RLN3: variants seen among roughly 807,000 people sequenced by gnomAD.
RLN3 encodes the protein relaxin-3.
In RLN3, 13 loss-of-function variants were observed where a neutral mutation model predicts 10.2. The ratio of observed to expected loss-of-function variants is 1.28; its 90% confidence interval spans 0.83 to 2.03. The LOEUF is 2.03. RLN3 is among the 30% of genes most tolerant of loss of function. The pLI, the probability that RLN3 is intolerant of heterozygous loss-of-function variation, is 0.00. For synonymous variants in RLN3, 56 were observed against 79.2 expected (o/e 0.71, Z 1.56); for missense variants, 191 against 187.2 (o/e 1.02, Z -0.12).
intron 1 of RLN3, among the ~76,000 whole-genome samples, chr19:14,028,736 G>A (rs1975753643): frequency 6.6e-6 from 1 of 152,110 alleles, no homozygotes; most frequent in Non-Finnish European, 1.5e-5. Flanking sequence ...GTCACCTAAT[G>A]CATGACCTCT....
chr19:14,030,962 C>T lies in RLN3; in HGVS notation c.*14C>T, dbSNP rs1262760008. The T allele has an allele frequency of 6.6e-7, 1 of 1,518,456 alleles. No individual in the cohort carries two copies. The highest frequency in any genetic ancestry group is 1.3e-5 in the South Asian group (1 of 78,596). The allele number at this position is 1,518,456 out of a possible 1,614,324, so 94.1% of individuals were successfully genotyped here. On this transcript the variant is annotated 3_prime_UTR_variant, in exon 2 of 2. Coordinates refer to ENST00000431365, the MANE Select transcript of RLN3 (RefSeq NM_080864.4). ...AGCCTTTGCTAGTTTGAGGGCTGGGCAGCCGTGGGCACCAGGACCAATGCC... is the reference window on the plus strand; with the variant it reads ...AGCCTTTGCTAGTTTGAGGGCTGGGTAGCCGTGGGCACCAGGACCAATGCC...
chr19:14,028,839 A>G (rs1903151579), intron 1 of RLN3, among the ~76,000 whole-genome samples: 1 of 152,038 alleles, frequency 6.6e-6, no homozygotes. Context: ...CAGTGGCCCA[A>G]TCACTGCTCA....
Position 14,030,847 on chromosome 19 carries a change from A to G in RLN3, c.328A>G (p.Thr110Ala). Reference protein sequence around the residue: ...FYRGRPSWQGTPGVLRGSRDV... With the variant: ...FYRGRPSWQGAPGVLRGSRDV... The stretch of plus-strand genomic sequence containing the variant: ...CAGGGGGCGACCCAGCTGGCAAGGA[A>G]CCCCTGGGGTTCTTCGGGGCAGCCG... The change falls in exon 2 of 2, where the codon ACC becomes GCC. Residue 110 changes from threonine (T) to alanine (A), a missense_variant. By Grantham distance (58) the Thr-to-Ala change is moderately conservative (BLOSUM62 0). Coordinates refer to ENST00000431365, the MANE Select transcript of RLN3 (RefSeq NM_080864.4). The G allele has an allele frequency of 6.2e-7, 1 of 1,613,068 alleles. No homozygotes were observed. The highest frequency in any genetic ancestry group is 8.5e-7 in the Non-Finnish European group (1 of 1,179,314).
chr19:14,028,323 TC>T lies in RLN3; in HGVS notation c.121del (p.Arg41GlufsTer53). 6.2e-7 allele frequency: 1 copy of T among 1,613,732 alleles called. No homozygotes were observed. The highest frequency in any genetic ancestry group is 8.5e-7 in the Non-Finnish European group (1 of 1,179,910). ...GTCAGGCTTTGCGGCCGAGAATTCA[TC>T]CGAGCAGTCATCTTCACCTGCGGGG... ...YGVRLCGREF[I>X]RAVIFTCGGS... On this transcript the variant is annotated frameshift_variant, in exon 1 of 2. Coordinates refer to ENST00000431365, the MANE Select transcript of RLN3 (RefSeq NM_080864.4). LOFTEE classifies it high-confidence loss of function.
chr19:14,028,397 G>A lies in RLN3; in HGVS notation c.190+3G>A. The A allele has an allele frequency of 1.2e-6, 2 of 1,605,788 alleles. No individual in the cohort carries two copies. The highest frequency in any genetic ancestry group is 8.5e-7 in the Non-Finnish European group (1 of 1,175,946). On this transcript the variant is annotated splice_donor_region_variant and intron_variant, in intron 1 of 1. Transcript: ENST00000431365. ...CATCCTGGCCCACGAGGCTATGGGTGAGGCTGGGGAGAGAGTGGATGTAGA... is the reference window on the plus strand; with the variant it reads ...CATCCTGGCCCACGAGGCTATGGGTAAGGCTGGGGAGAGAGTGGATGTAGA...
intron 1 of RLN3, among the ~76,000 whole-genome samples, chr19:14,029,531 T>G (rs1450484708): frequency 6.6e-6 from 1 of 151,636 alleles, no homozygotes; most frequent in East Asian, 1.9e-4. Flanking sequence ...CTTTTTATTT[T>G]TAGTAGAGAC....
intron 1 of RLN3, chr19:14,030,208 G>T: frequency 1.5e-6 from 1 of 689,582 alleles, no homozygotes; most frequent in South Asian, 1.5e-5. Context: ...TATAAAACTT[G>T]AGAAGGTTGG....
Position 14,028,373 on chromosome 19 carries a change from A to G in RLN3, c.169A>G (p.Ile57Val). The change falls in exon 1 of 2, where the codon ATC becomes GTC. Residue 57 changes from isoleucine to valine, a missense_variant. By Grantham distance (29) the Ile-to-Val change is conservative. Transcript: ENST00000431365. ...CGGSRWRRSD[I>V]LAHEAMGDTF... ...GGGCTCCCGGTGGAGACGATCAGACATCCTGGCCCACGAGGCTATGGGTGA... is the reference window on the plus strand; with the variant it reads ...GGGCTCCCGGTGGAGACGATCAGACGTCCTGGCCCACGAGGCTATGGGTGA... The G allele has an allele frequency of 6.2e-7, 1 of 1,612,088 alleles. No individual in the cohort carries two copies. Among genetic ancestry groups the G allele is most frequent in the Non-Finnish European group, 8.5e-7 (1 of 1,179,102 alleles).
chr19:14,028,534 C>A, intron 1 of RLN3, 140 bp downstream of exon 1: 1 of 711,180 alleles, frequency 1.4e-6, no homozygotes, highest in Non-Finnish European at 2.3e-6. Flanking sequence ...ACCTGCCCAG[C>A]CTTGAAACAA....
At position 14,031,290 on chromosome 19, in the gene RLN3, C is replaced by G. The variant is rs1249914224; in HGVS notation, c.*342C>G. ...CAACTGGGTCCCTACTCTACCTAGGCTGGCCACACAGAGACCCCTGCCCCC... is the reference window on the plus strand; with the variant it reads ...CAACTGGGTCCCTACTCTACCTAGGGTGGCCACACAGAGACCCCTGCCCCC... On this transcript the variant is annotated 3_prime_UTR_variant, in exon 2 of 2. Coordinates refer to ENST00000431365, the MANE Select transcript of RLN3 (RefSeq NM_080864.4). 1 of 275,708 alleles carries G rather than the reference C, an allele frequency of 3.6e-6. No homozygotes were observed. The highest frequency in any genetic ancestry group is 4.9e-5 in the Admixed American group (1 of 20,588). 17.1% of individuals were successfully genotyped at this position (275,708 alleles called of 1,614,324 possible). A position where few individuals can be genotyped will look rare whatever the true frequency, so the allele number is the denominator to read the frequency against.
chr19:14,030,220 GTAAT>G, intron 1 of RLN3: 1 of 700,118 alleles, frequency 1.4e-6, no homozygotes, highest in Non-Finnish European at 2.6e-6. Flanking sequence ...GAAGGTTGGA[GTAAT>G]TATTTTTTTC....
intron 1 of RLN3, 54 bp downstream of exon 1, chr19:14,028,448 C>A: frequency 6.6e-7 from 1 of 1,509,772 alleles, no homozygotes; most frequent in Non-Finnish European, 9.1e-7. Context: ...TGGATGGGTC[C>A]CAGGAGCTAA....
At position 14,030,910 on chromosome 19, in the gene RLN3, TGGG is replaced by T; in HGVS notation, c.394_396del (p.Gly132del). 2 of 1,591,552 alleles carry T rather than the reference TGGG, an allele frequency of 1.3e-6. No homozygotes were observed. The highest frequency in any genetic ancestry group is 1.7e-6 in the Non-Finnish European group (2 of 1,166,850). On this transcript the variant is annotated inframe_deletion, in exon 2 of 2. Coordinates refer to ENST00000431365, the MANE Select transcript of RLN3 (RefSeq NM_080864.4). ...TGGCCTTTCCAGCAGCTGCTGCAAG[TGGG>T]GGTGTAGCAAAAGTGAAATCAGTAG...
intron 1 of RLN3, chr19:14,030,364 G>C (rs754701240): frequency 1.4e-6 from 1 of 691,814 alleles, no homozygotes. Context: ...AGAGTAAGGA[G>C]AAATAAATGA....
intron 1 of RLN3, among the ~76,000 whole-genome samples, chr19:14,029,806 A>AATTATTATTACTATT (rs1975769531): frequency 7.0e-6 from 1 of 142,324 alleles, no homozygotes; most frequent in Admixed American, 7.2e-5. Context: ...GTGATCAATA[A>AATTATTATTACTATT]ATTATTATTA....
chr19:14,029,710 CT>C, intron 1 of RLN3, among the ~76,000 whole-genome samples: 1 of 152,050 alleles, frequency 6.6e-6, no homozygotes. Flanking sequence ...CGGGTGATAA[CT>C]GCACCCACCT....
Position 14,028,238 on chromosome 19 carries a change from G to A in RLN3, c.34G>A (p.Val12Ile), listed in dbSNP as rs559027869. 5 of 1,609,334 alleles carry A rather than the reference G, an allele frequency of 3.1e-6. No homozygotes were observed. The African/African-American group carries it at 6.7e-5, about 21-fold the overall frequency. ...ARYMLLLLLA[V>I]WVLTGELWPG... ...GTACATGCTGCTGCTGCTCCTGGCG[G>A]TATGGGTGCTGACCGGGGAGCTGTG... Residue 12 changes from valine to isoleucine, a missense_variant, in exon 1 of 2, where the codon GTA becomes ATA. Val to Ile is a conservative substitution (Grantham distance 29). Transcript: ENST00000431365.
chr19:14,029,810 ATT>A (rs1975770177), intron 1 of RLN3, among the ~76,000 whole-genome samples: 2 of 49,360 alleles, frequency 4.1e-5, no homozygotes, highest in Non-Finnish European at 5.4e-5. Context: ...TCAATAAATT[ATT>A]ATTATTATTA....
At chr19:14,030,667 C>T (rs776799378) in intron 1 of RLN3, 43 bp from the exon 2 acceptor site, 16 of 1,519,024 alleles carry the variant, frequency 1.1e-5, no homozygotes, top group African/African-American at 2.7e-5. Flanking sequence ...GTGGGTGCAG[C>T]AGCAGCTGAG....
Sources: allele counts gnomAD v4.1 joint callset (sites outside exome capture counted in the v4.1 genomes callset), GRCh38; gene constraint gnomAD v4.1.1; transcripts MANE v1.5; gene names NCBI Gene and HGNC (gene_info 2026-07-23, HGNC 2026-07-21).